The following CBFA2T2 variants were observed in gnomAD, a reference collection of about 807,000 sequenced individuals.
CBFA2T2 encodes CBFA2/RUNX1 partner transcriptional co-repressor 2.
CBFA2T2 carries 11 observed loss-of-function variants against 62.2 expected under a neutral mutation model. That is an observed-to-expected ratio of 0.18 (90% CI 0.11 to 0.29). CBFA2T2 has a LOEUF of 0.29. Ranked by LOEUF, CBFA2T2 falls within the 10% of genes least tolerant of loss-of-function variation. The probability of loss-of-function intolerance (pLI) is 1.00; values close to 1 mark genes in which losing one functional copy is unlikely to be tolerated. For missense variants in CBFA2T2, 592 were observed against 774.1 expected (o/e 0.76, Z 2.79); for synonymous variants, 295 against 287.5 (o/e 1.03, Z -0.27).
intron 1 of CBFA2T2, among the ~76,000 whole-genome samples, chr20:33,590,824 A>G (rs1383440403): frequency 1.3e-5 from 2 of 152,092 alleles, no homozygotes; most frequent in African/African-American, 4.8e-5. Context: ...GGAATATTAA[A>G]AACTCGGTTT....
chr20:33,529,851 C>T (rs1311895427), intron 1 of CBFA2T2, among the ~76,000 whole-genome samples: 1 of 147,586 alleles, frequency 6.8e-6, no homozygotes, highest in Non-Finnish European at 1.5e-5. Flanking sequence ...GTGGTGCAAT[C>T]TGGGCACACT....
At chr20:33,588,199 A>T in intron 1 of CBFA2T2, among the ~76,000 whole-genome samples, 1 of 152,080 alleles carries the variant, frequency 6.6e-6, no homozygotes, top group South Asian at 2.1e-4. Flanking sequence ...TGACCCCTTT[A>T]TTATTATTTT....
intron 2 of CBFA2T2, 109 bp from the exon 3 acceptor site, chr20:33,610,985 G>A: frequency 1.5e-6 from 2 of 1,368,608 alleles, no homozygotes; most frequent in Middle Eastern, 1.9e-4. Context: ...TTTATAACAT[G>A]TGCTTTACAA....
At chr20:33,587,376 C>G (rs1011840360) in intron 1 of CBFA2T2, among the ~76,000 whole-genome samples, 1 of 151,892 alleles carries the variant, frequency 6.6e-6, no homozygotes. Flanking sequence ...AAGTGATTCT[C>G]CTGCCTCAGC....
chr20:33,582,953 A>G (rs1228495613), intron 1 of CBFA2T2, among the ~76,000 whole-genome samples: 1 of 151,020 alleles, frequency 6.6e-6, no homozygotes, highest in Non-Finnish European at 1.5e-5. Flanking sequence ...AAAAAAAAAG[A>G]GGAAAGACAG....
intron 1 of CBFA2T2, among the ~76,000 whole-genome samples, chr20:33,533,395 T>A (rs2012114186): frequency 6.6e-6 from 1 of 152,226 alleles, no homozygotes; most frequent in Admixed American, 6.5e-5. Context: ...ATAGATGAAA[T>A]CATACAATAT....
chr20:33,626,651 G>C (rs1342463827), intron 6 of CBFA2T2, among the ~76,000 whole-genome samples: 2 of 152,212 alleles, frequency 1.3e-5, no homozygotes, highest in Non-Finnish European at 2.9e-5. Context: ...TCAGCTTCCA[G>C]GGTTTCCCTA....
At chr20:33,493,999 T>C (rs1005958973) in intron 1 of CBFA2T2, among the ~76,000 whole-genome samples, 1 of 151,410 alleles carries the variant, frequency 6.6e-6, no homozygotes, top group Non-Finnish European at 1.5e-5. Flanking sequence ...TTGTCCTGCC[T>C]CAGCCTCCCA....
chr20:33,552,654 G>A (rs1240050769), intron 1 of CBFA2T2, among the ~76,000 whole-genome samples: 3 of 152,198 alleles, frequency 2.0e-5, no homozygotes, highest in Non-Finnish European at 4.4e-5. Flanking sequence ...TGTCACAGGA[G>A]TTTGCAAGAT....
At chr20:33,532,482 A>G (rs1600937185) in intron 1 of CBFA2T2, among the ~76,000 whole-genome samples, 1 of 152,326 alleles carries the variant, frequency 6.6e-6, no homozygotes, top group African/African-American at 2.4e-5. Flanking sequence ...TTACATTTAT[A>G]ACAAGGTACA....
chr20:33,597,091 A>AT (rs1055551444), intron 1 of CBFA2T2, among the ~76,000 whole-genome samples: 31 of 150,182 alleles, frequency 2.1e-4, no homozygotes, highest in African/African-American at 5.1e-4. Flanking sequence ...CACCTGGCTA[A>AT]TTTTTTTTTG....
intron 8 of CBFA2T2, among the ~76,000 whole-genome samples, chr20:33,634,711 G>A (rs1014831966): frequency 7.0e-6 from 1 of 142,090 alleles, no homozygotes; most frequent in Non-Finnish European, 1.5e-5. Context: ...CTGAATATAT[G>A]TGTTTAATGA....
At chr20:33,618,173 C>CTTTTT (rs58066954) in intron 3 of CBFA2T2, among the ~76,000 whole-genome samples, 7 of 138,342 alleles carry the variant, frequency 5.1e-5, no homozygotes, top group Non-Finnish European at 4.7e-5. Context: ...ATATATTTTC[C>CTTTTT]TTTTTTTTTT....
At chr20:33,546,198 A>T (rs2012562368) in intron 1 of CBFA2T2, among the ~76,000 whole-genome samples, 1 of 152,102 alleles carries the variant, frequency 6.6e-6, no homozygotes, top group African/African-American at 2.4e-5. Flanking sequence ...TTTCCTGAAG[A>T]TTTGCAATTA....
Position 33,592,374 on chromosome 20 carries a change from T to TTATATA in CBFA2T2, c.35-14569_35-14564dup, listed in dbSNP as rs11473567. ...ACAAAACTCTGTCTCAAAAAAAATT[T>TTATATA]TATATATATATATATATAATTATGT... On this transcript the variant is annotated intron_variant, in intron 1 of 10. Coordinates refer to ENST00000342704, the MANE Select transcript of CBFA2T2 (RefSeq NM_001032999.3). Among the ~76,000 whole-genome samples the TTATATA allele has an allele frequency of 8.2e-3, 1,165 of 142,942 alleles. 11 individuals carry two copies. Among genetic ancestry groups the TTATATA allele is most frequent in the South Asian group, 0.038 (171 of 4,528 alleles). 93.8% of individuals were successfully genotyped at this position (142,942 alleles called of 152,430 possible). A position where few individuals can be genotyped will look rare whatever the true frequency, so the allele number is the denominator to read the frequency against.
chr20:33,640,417 C>T lies in CBFA2T2; in HGVS notation c.1374C>T (p.Ala458=), dbSNP rs751357774. The T allele has an allele frequency of 3.7e-6, 6 of 1,614,126 alleles. No homozygotes were observed. The East Asian group carries it at 6.7e-5, about 18-fold the overall frequency. ...QKAVAEAEQK[A]FEVIATERAR... ...CCGTCGCTGAGGCAGAGCAGAAAGC[C>T]TTTGAAGTGATTGCAACAGAGAGAG... is the stretch of plus-strand genomic sequence containing the variant. The change falls in exon 10 of 11, where the codon GCC becomes GCT. Residue 458 remains alanine, a synonymous_variant. Coordinates refer to ENST00000342704, the MANE Select transcript of CBFA2T2 (RefSeq NM_001032999.3).
At chr20:33,540,419 G>A (rs1280944613) in intron 1 of CBFA2T2, among the ~76,000 whole-genome samples, 1 of 152,166 alleles carries the variant, frequency 6.6e-6, no homozygotes, top group Non-Finnish European at 1.5e-5. Context: ...ACTGAATGCT[G>A]TAGGCAGTTT....
At chr20:33,577,131 C>T (rs1283938682) in intron 1 of CBFA2T2, among the ~76,000 whole-genome samples, 1 of 152,164 alleles carries the variant, frequency 6.6e-6, no homozygotes, top group Non-Finnish European at 1.5e-5. Context: ...CAGTAGAGTA[C>T]CTGGTTATCT....
intron 1 of CBFA2T2, among the ~76,000 whole-genome samples, chr20:33,592,980 G>C (rs2014727825): frequency 6.6e-6 from 1 of 152,124 alleles, no homozygotes; most frequent in Non-Finnish European, 1.5e-5. Context: ...TTGTAAAGAA[G>C]CTATATTTAT....
Sources: allele counts gnomAD v4.1 joint callset (sites outside exome capture counted in the v4.1 genomes callset), GRCh38; gene constraint gnomAD v4.1.1; transcripts MANE v1.5; gene names NCBI Gene and HGNC (gene_info 2026-07-23, HGNC 2026-07-21).